IFT43: variants seen among roughly 807,000 people sequenced by gnomAD.
The protein encoded by IFT43 is intraflagellar transport protein 43 homolog.
Under a neutral mutation model 32.3 loss-of-function variants are expected in IFT43, and 33 were observed. The observed-to-expected ratio is 1.02, with a 90% confidence interval of 0.77 to 1.37. The LOEUF is 1.37. Ranked by LOEUF, IFT43 falls within the 40% of genes most tolerant of loss-of-function variation. The pLI, the probability that IFT43 is intolerant of heterozygous loss-of-function variation, is 0.00. For missense variants in IFT43, 274 were observed against 265.9 expected (o/e 1.03, Z -0.21); for synonymous variants, 93 against 98.2 (o/e 0.95, Z 0.31).
chr14:76,004,287 T>A (rs2035942178), intron 2 of IFT43, among the ~76,000 whole-genome samples: 1 of 152,232 alleles, frequency 6.6e-6, no homozygotes, highest in Non-Finnish European at 1.5e-5. Flanking sequence ...TTTGATTTCA[T>A]CCTCATTTTG....
At chr14:76,016,845 C>G (rs554601696) in intron 2 of IFT43, among the ~76,000 whole-genome samples, 8 of 152,112 alleles carry the variant, frequency 5.3e-5, no homozygotes, top group Admixed American at 5.2e-4. Flanking sequence ...TATTTTTCAA[C>G]TAGTTTGTTA....
At chr14:76,067,695 T>C (rs2037249501) in intron 5 of IFT43, among the ~76,000 whole-genome samples, 1 of 152,082 alleles carries the variant, frequency 6.6e-6, no homozygotes, top group South Asian at 2.1e-4. Context: ...CAGAATGTAC[T>C]ATATGGGAAC....
At chr14:75,992,139 G>A (rs1024323554) in intron 2 of IFT43, among the ~76,000 whole-genome samples, 6 of 152,172 alleles carry the variant, frequency 3.9e-5, no homozygotes, top group African/African-American at 1.4e-4. Flanking sequence ...ATTTTAAAGC[G>A]AGGTAGTGGA....
chr14:76,080,989 TA>T (rs1289255895), intron 5 of IFT43, among the ~76,000 whole-genome samples: 1 of 152,254 alleles, frequency 6.6e-6, no homozygotes, highest in African/African-American at 2.4e-5. Flanking sequence ...TCACTCTTTT[TA>T]TCCCTTGTTT....
intron 2 of IFT43, among the ~76,000 whole-genome samples, chr14:76,001,578 C>T (rs1290828699): frequency 6.6e-6 from 1 of 152,210 alleles, no homozygotes; most frequent in Non-Finnish European, 1.5e-5. Flanking sequence ...GTGCAAGTTT[C>T]TCCAACACCC....
At chr14:76,043,343 G>T (rs1454361343) in intron 3 of IFT43, among the ~76,000 whole-genome samples, 1 of 150,558 alleles carries the variant, frequency 6.6e-6, no homozygotes, top group Non-Finnish European at 1.5e-5. Context: ...GGGAGTAGAA[G>T]GGTAGGTGGG....
At chr14:75,999,193 A>G (rs1326713643) in intron 2 of IFT43, among the ~76,000 whole-genome samples, 2 of 143,774 alleles carry the variant, frequency 1.4e-5, no homozygotes, top group African/African-American at 2.6e-5. Flanking sequence ...ATTCATTTAT[A>G]TATATATAAT....
intron 3 of IFT43, among the ~76,000 whole-genome samples, chr14:76,027,272 A>G (rs1566714372): frequency 6.6e-6 from 1 of 151,838 alleles, no homozygotes; most frequent in Non-Finnish European, 1.5e-5. Context: ...TATTAAAAAT[A>G]TTTACTTCCA....
chr14:76,042,302 C>G (rs910419514), intron 3 of IFT43, among the ~76,000 whole-genome samples: 1 of 151,784 alleles, frequency 6.6e-6, no homozygotes, highest in African/African-American at 2.4e-5. Flanking sequence ...AGTCATACAG[C>G]TAGTGAGTAG....
At chr14:76,029,945 A>G (rs2036477744) in intron 3 of IFT43, among the ~76,000 whole-genome samples, 1 of 146,026 alleles carries the variant, frequency 6.8e-6, no homozygotes, top group African/African-American at 2.6e-5. Context: ...GCAGTGGTGC[A>G]ATCATAGTTC....
intron 1 of IFT43, among the ~76,000 whole-genome samples, chr14:75,988,176 T>C (rs887011616): frequency 4.6e-5 from 7 of 152,120 alleles, no homozygotes; most frequent in African/African-American, 1.7e-4. Context: ...AAGAAAACCT[T>C]GTCCAGCCTG....
At chr14:75,997,907 T>C (rs2035777565) in intron 2 of IFT43, among the ~76,000 whole-genome samples, 1 of 152,146 alleles carries the variant, frequency 6.6e-6, no homozygotes, top group African/African-American at 2.4e-5. Context: ...TATCAGTCAT[T>C]TCACGGTCAA....
intron 3 of IFT43, among the ~76,000 whole-genome samples, chr14:76,050,721 A>G (rs536172774): frequency 6.6e-6 from 1 of 152,240 alleles, no homozygotes; most frequent in East Asian, 1.9e-4. Flanking sequence ...TAAAATCTTG[A>G]GCAAAAGATC....
At chr14:76,036,689 GC>G (rs1310573671) in intron 3 of IFT43, among the ~76,000 whole-genome samples, 3 of 152,132 alleles carry the variant, frequency 2.0e-5, no homozygotes, top group Non-Finnish European at 4.4e-5. Context: ...ACAGGCGTGA[GC>G]CACCATGCCT....
At chr14:76,051,475 C>G (rs1349489967) in intron 3 of IFT43, among the ~76,000 whole-genome samples, 1 of 151,978 alleles carries the variant, frequency 6.6e-6, no homozygotes, top group African/African-American at 2.4e-5. Flanking sequence ...TGGCAGATTT[C>G]TCCTTTCCTC....
chr14:76,018,280 A>G (rs2036226810), intron 2 of IFT43, among the ~76,000 whole-genome samples: 1 of 150,112 alleles, frequency 6.7e-6, no homozygotes, highest in African/African-American at 2.4e-5. Flanking sequence ...AAATTTTTTA[A>G]TTTTCTTCTT....
Position 75,993,706 on chromosome 14 carries a change from A to C in IFT43, c.147+4729A>C, listed in dbSNP as rs2035686397. ...ACTGGAGCATGTCCTGCATTACTCT[A>C]GCTCCTTCCAGCTTCCTGCTCTGCT... On this transcript the variant is annotated intron_variant, in intron 2 of 8. Coordinates refer to ENST00000314067, the MANE Select transcript of IFT43 (RefSeq NM_001102564.3). Among the ~76,000 whole-genome samples, 3 of 152,182 alleles carry C rather than the reference A, an allele frequency of 2.0e-5. No homozygotes were observed. The South Asian group carries it at 6.2e-4, about 32-fold the overall frequency.
intron 3 of IFT43, among the ~76,000 whole-genome samples, chr14:76,025,477 C>T (rs1415578506): frequency 6.6e-6 from 1 of 151,952 alleles, no homozygotes; most frequent in Non-Finnish European, 1.5e-5. Flanking sequence ...AAAAAGGGCC[C>T]AAATAGCCAA....
chr14:76,070,403 C>A (rs1299166524), intron 5 of IFT43, among the ~76,000 whole-genome samples: 3 of 152,186 alleles, frequency 2.0e-5, no homozygotes, highest in Admixed American at 2.0e-4. Context: ...AGAAAGAATT[C>A]TTTAAAAACT....
Sources: gnomAD v4.1 joint callset for allele counts (sites outside exome capture counted in the v4.1 genomes callset) on GRCh38, gnomAD v4.1.1 for gene constraint, MANE v1.5 for transcripts, NCBI Gene and HGNC (gene_info 2026-07-23, HGNC 2026-07-21) for gene names.